Variants in PIK3CA observed in about 807,000 individuals in gnomAD.
PIK3CA encodes phosphatidylinositol 4,5-bisphosphate 3-kinase catalytic subunit alpha isoform.
PIK3CA carries 27 observed loss-of-function variants against 138.2 expected under a neutral mutation model. That is an observed-to-expected ratio of 0.20 (90% CI 0.14 to 0.27). PIK3CA has a LOEUF of 0.27. Among genes scored for constraint, PIK3CA ranks in the 10% least tolerant of loss-of-function variants. The pLI is 1.00. For synonymous variants in PIK3CA, 358 were observed against 413.2 expected, an observed-to-expected ratio of 0.87 and a Z score of 1.62; for missense variants, 544 against 1,277.4, an observed-to-expected ratio of 0.43 and a Z score of 8.75.
At chr3:179,214,014 G>C (rs1396827002) in intron 9 of PIK3CA, among the ~76,000 whole-genome samples, 3 of 152,200 alleles carry the variant, frequency 2.0e-5, no homozygotes, top group Non-Finnish European at 4.4e-5. Context: ...TCATAGAATT[G>C]AAAAGAGTTA....
chr3:179,229,530 C>A, intron 18 of PIK3CA, 88 bp downstream of exon 18: 3 of 903,692 alleles, frequency 3.3e-6, no homozygotes, highest in Non-Finnish European at 4.8e-6. Flanking sequence ...TGAGTTAGAA[C>A]AGAGAAAACA....
intron 17 of PIK3CA, among the ~76,000 whole-genome samples, chr3:179,228,913 A>G (rs1391400699): frequency 6.6e-6 from 1 of 152,168 alleles, no homozygotes; most frequent in Non-Finnish European, 1.5e-5. Context: ...ACCAAAATTG[A>G]GAACTTCTGC....
chr3:179,218,073 A>G (rs1458583615), intron 9 of PIK3CA, 137 bp from the exon 10 acceptor site: 4 of 774,792 alleles, frequency 5.2e-6, no homozygotes, highest in Non-Finnish European at 7.5e-6. Context: ...TGCAATGAAA[A>G]TAAATTATTT....
At chr3:179,191,063 TG>T (rs1416988448) in intron 1 of PIK3CA, among the ~76,000 whole-genome samples, 1 of 152,156 alleles carries the variant, frequency 6.6e-6, no homozygotes, top group African/African-American at 2.4e-5. Flanking sequence ...ATTCCAGAGA[TG>T]GGGTTCACAA....
rs1032468932 is a variant in PIK3CA at position 179,236,619 on chromosome 3, A to G, written c.*2255A>G. On this transcript the variant is annotated 3_prime_UTR_variant, in exon 21 of 21. Coordinates refer to ENST00000263967, the MANE Select transcript of PIK3CA (RefSeq NM_006218.4). ...TTATACCACTTTTGCATTTTTATCTATCAGTCCAGATAGTTGTCTCCCCTC... is the reference window on the plus strand; with the variant it reads ...TTATACCACTTTTGCATTTTTATCTGTCAGTCCAGATAGTTGTCTCCCCTC... 5 of 226,500 alleles carry G rather than the reference A, an allele frequency of 2.2e-5. No individual in the cohort carries two copies. Among genetic ancestry groups the G allele is most frequent in the South Asian group, 1.8e-4 (1 of 5,558 alleles). The allele number at this position is 226,500 out of a possible 1,614,324, so 14.0% of individuals were successfully genotyped here. A position where few individuals can be genotyped will look rare whatever the true frequency, so the allele number is the denominator to read the frequency against.
At chr3:179,192,690 A>G (rs1724164288) in intron 1 of PIK3CA, among the ~76,000 whole-genome samples, 2 of 152,252 alleles carry the variant, frequency 1.3e-5, no homozygotes, top group Admixed American at 6.5e-5. Flanking sequence ...CTGTTGTTGC[A>G]GTGCAAAAGT....
At chr3:179,216,017 A>G (rs1724828678) in intron 9 of PIK3CA, among the ~76,000 whole-genome samples, 1 of 152,148 alleles carries the variant, frequency 6.6e-6, no homozygotes, top group African/African-American at 2.4e-5. Flanking sequence ...AGTTATGGCT[A>G]TCAAAAATGT....
chr3:179,220,872 A>C lies in PIK3CA; in HGVS notation c.2016-114A>C. 2 of 549,420 alleles carry C rather than the reference A, an allele frequency of 3.6e-6. No individual in the cohort carries two copies. The highest frequency in any genetic ancestry group is 5.9e-6 in the Non-Finnish European group (2 of 339,110). The allele number at this position is 549,420 out of a possible 1,614,324, so 34.0% of individuals were successfully genotyped here. On this transcript the variant is annotated intron_variant, in intron 13 of 20. Transcript: ENST00000263967. This position sits in a 1 kb window ranked among gnomAD's most constrained non-coding sequence, Gnocchi z 4.1. The stretch of plus-strand genomic sequence containing the variant: ...TTTGAATAATTTTATTATTAGTATG[A>C]TTGTAACATTTATTGGATTTCAAAA...
At chr3:179,186,750 A>T (rs937204095) in intron 1 of PIK3CA, among the ~76,000 whole-genome samples, 1 of 152,226 alleles carries the variant, frequency 6.6e-6, no homozygotes, top group African/African-American at 2.4e-5. Flanking sequence ...GTTCCACAGG[A>T]GCTGAAATGT....
intron 1 of PIK3CA, among the ~76,000 whole-genome samples, chr3:179,160,217 G>A (rs190729556): frequency 1.7e-4 from 26 of 152,210 alleles, no homozygotes; most frequent in East Asian, 1.3e-3. Flanking sequence ...TTAATCTTAC[G>A]GGATCACTGT....
chr3:179,167,058 A>G (rs999957944), intron 1 of PIK3CA, among the ~76,000 whole-genome samples: 5 of 152,154 alleles, frequency 3.3e-5, no homozygotes, highest in Non-Finnish European at 4.4e-5. Flanking sequence ...TTTGAAATGT[A>G]TTAAACACTT....
Position 179,235,287 on chromosome 3 carries a change from G to T in PIK3CA, c.*923G>T, listed in dbSNP as rs1725311816. 5.6e-6 allele frequency: 1 copy of T among 178,968 alleles called. No homozygotes were observed. The highest frequency in any genetic ancestry group is 2.0e-4 in the South Asian group (1 of 5,032). The allele number at this position is 178,968 out of a possible 1,614,324, so 11.1% of individuals were successfully genotyped here. On this transcript the variant is annotated 3_prime_UTR_variant, in exon 21 of 21. Transcript: ENST00000263967. ...ATAGAAGTATTAATGTTATTAAAAA[G>T]ATTATTTTTTTTATTAAAGGCTATT...
rs2108430587 is a variant in PIK3CA, at chr3:179,234,488, A to G, written c.*124A>G. 1.5e-6 allele frequency: 1 copy of G among 678,612 alleles called. No homozygotes were observed. Among genetic ancestry groups the G allele is most frequent in the East Asian group, 2.8e-5 (1 of 36,072 alleles). 42.0% of individuals were successfully genotyped at this position (678,612 alleles called of 1,614,324 possible). On this transcript the variant is annotated 3_prime_UTR_variant, in exon 21 of 21. Transcript: ENST00000263967. The surrounding 1 kb of genome is among the most constrained non-coding windows in gnomAD (Gnocchi z 5.1). ...CATGAACAGCATTAGAATTTACAGC[A>G]AGAACAGAAATAAAATACTATATAA...
At chr3:179,199,946 T>C in intron 3 of PIK3CA, 47 bp downstream of exon 3, 1 of 1,149,748 alleles carries the variant, frequency 8.7e-7, no homozygotes, top group Non-Finnish European at 1.3e-6. Flanking sequence ...AGTGCAGTCT[T>C]CTACCTGTGT....
At chr3:179,158,531 G>C (rs930427682) in intron 1 of PIK3CA, among the ~76,000 whole-genome samples, 1 of 151,900 alleles carries the variant, frequency 6.6e-6, no homozygotes, top group South Asian at 2.1e-4. Flanking sequence ...GAGTTGTGTC[G>C]TATTGTCACA....
chr3:179,209,422 C>T (rs1443657589), intron 6 of PIK3CA, among the ~76,000 whole-genome samples, 173 bp from the exon 7 acceptor site: 2 of 152,066 alleles, frequency 1.3e-5, no homozygotes, highest in East Asian at 3.8e-4. Flanking sequence ...TAATGACTCC[C>T]TTTTCATGTT....
chr3:179,164,869 TAAAAAA>T (rs111770110), intron 1 of PIK3CA, among the ~76,000 whole-genome samples: 3 of 145,728 alleles, frequency 2.1e-5, no homozygotes, highest in African/African-American at 7.5e-5. Context: ...AACTCTGTCT[TAAAAAA>T]AAAAAGAAAA....
At chr3:179,218,369 T>G (rs773302743) in intron 10 of PIK3CA, 35 bp downstream of exon 10, 2 of 1,551,058 alleles carry the variant, frequency 1.3e-6, no homozygotes, top group African/African-American at 2.7e-5. Flanking sequence ...TGTTTCTTTT[T>G]CTTTATTACA....
At position 179,240,022 on chromosome 3, in the gene PIK3CA, T is replaced by C. The variant is rs184550595; in HGVS notation, c.*5658T>C. The stretch of plus-strand genomic sequence containing the variant: ...TACTGTTTATGCTCATCAGAAACTG[T>C]CAATGTCTGCTTTTCTTTAACTCTG... On this transcript the variant is annotated 3_prime_UTR_variant, in exon 21 of 21. Coordinates refer to ENST00000263967, the MANE Select transcript of PIK3CA (RefSeq NM_006218.4). 7.2e-3 allele frequency: 11,115 copies of C among 1,548,018 alleles called. 147 individuals are homozygous for C. The highest frequency in any genetic ancestry group is 0.042 in the South Asian group (3,475 of 83,634).
Sources: gnomAD v4.1 joint callset for allele counts (sites outside exome capture counted in the v4.1 genomes callset) on GRCh38, gnomAD v4.1.1 for gene constraint, Gnocchi (gnomAD v3.1) non-coding constraint, MANE v1.5 for transcripts, NCBI Gene and HGNC (gene_info 2026-07-23, HGNC 2026-07-21) for gene names.